SERPINA9: variants seen among roughly 807,000 people sequenced by gnomAD.
SERPINA9 encodes the protein serpin A9.
In SERPINA9, 32 loss-of-function variants were observed where a neutral mutation model predicts 24.5. That is an observed-to-expected ratio of 1.30 (90% CI 0.98 to 1.75). The LOEUF (loss-of-function observed/expected upper bound fraction) is 1.75. Ranked by LOEUF, SERPINA9 falls within the 40% of genes most tolerant of loss-of-function variation. The pLI is 0.00. For missense variants in SERPINA9, 594 were observed against 497.1 expected (o/e 1.19, Z -1.85); for synonymous variants, 233 against 197.7 (o/e 1.18, Z -1.50).
In SERPINA9 at chr14:94,469,265, T is replaced by C. The variant is rs1299397946; in HGVS notation, c.576A>G (p.Gln192=). 1.2e-6 allele frequency: 2 copies of C among 1,613,962 alleles called. No individual in the cohort carries two copies. Among genetic ancestry groups the C allele is most frequent in the African/African-American group, 2.7e-5 (2 of 74,814 alleles). The change falls in exon 2 of 5, where the codon CAA becomes CAG. Residue 192 remains glutamine, a synonymous_variant. Coordinates refer to ENST00000674397, the MANE Select transcript of SERPINA9 (RefSeq NM_175739.4). ...CCATGGCCGTCAGAAGGTCAAGGCC[T>C]TGGATTATGTCTACAACCTTCCCTT... The part of the protein sequence containing the change: ...KTQGKVVDII[Q]GLDLLTAMVL...
intron 1 of SERPINA9, chr14:94,475,791 C>T (rs1899599758): frequency 1.3e-5 from 5 of 385,692 alleles, no homozygotes; most frequent in African/African-American, 4.1e-5. Flanking sequence ...GACAAAGAAA[C>T]CAACAACGAC....
chr14:94,469,506 T>C lies in SERPINA9; in HGVS notation c.335A>G (p.Gln112Arg), dbSNP rs370684428. 3.1e-6 allele frequency: 5 copies of C among 1,614,168 alleles called. No homozygotes were observed. Among genetic ancestry groups the C allele is most frequent in the South Asian group, 1.1e-5 (1 of 91,074 alleles). ...LTHTPESAIHQGFQHLVHSLT... is the reference protein window; with the variant it reads ...LTHTPESAIHRGFQHLVHSLT... Reference sequence around the variant, plus strand: ...TGAGTGAACCAGGTGCTGGAAGCCCTGGTGGATGGCAGACTCTGGTGTGTG... The same window carrying C: ...TGAGTGAACCAGGTGCTGGAAGCCCCGGTGGATGGCAGACTCTGGTGTGTG... Residue 112 changes from glutamine to arginine, a missense_variant, in exon 2 of 5, where the codon CAG becomes CGG. Transcript: ENST00000674397.
chr14:94,463,258 G>A lies in SERPINA9; in HGVS notation c.1089C>T (p.Gly363=). 1 of 1,614,202 alleles carries A rather than the reference G, an allele frequency of 6.2e-7. No individual in the cohort carries two copies. Among genetic ancestry groups the A allele is most frequent in the Non-Finnish European group, 8.5e-7 (1 of 1,180,038 alleles). The change falls in exon 5 of 5, where the codon GGC becomes GGT. Residue 363 remains glycine (G), a synonymous_variant. Transcript: ENST00000674397. ...TGGTGGTAGCTGCTGTGGCCTCAGT[G>A]CCCTCTTCACTGACATCCAGCACAG... The part of the protein sequence containing the change: ...HKAVLDVSEE[G]TEATAATTTK...
Position 94,469,308 on chromosome 14 carries a change from T to C in SERPINA9, c.533A>G (p.His178Arg), listed in dbSNP as rs572845318. 6.1e-5 allele frequency: 98 copies of C among 1,614,256 alleles called. 1 individual carries two copies. The South Asian group carries it at 1.0e-3, about 17-fold the overall frequency. ...CTTCCCTTGGGTCTTCTTTTTCACA[T>C]GGCTGTTGATCCTCGCCTGGGCAAT... ...PSIAQARINSHVKKKTQGKVV... is the reference protein window; with the variant it reads ...PSIAQARINSRVKKKTQGKVV... Residue 178 changes from histidine to arginine, a missense_variant, in exon 2 of 5, where the codon CAT becomes CGT. Coordinates refer to ENST00000674397, the MANE Select transcript of SERPINA9 (RefSeq NM_175739.4).
chr14:94,469,568 C>A lies in SERPINA9; in HGVS notation c.273G>T (p.Lys91Asn). 1 of 1,614,100 alleles carries A rather than the reference C, an allele frequency of 6.2e-7. No individual in the cohort carries two copies. ...MLSLGAHSVT[K>N]TQILQGLGFN... Reference sequence around the variant, plus strand: ...AGCCCAGGCCCTGGAGAATCTGGGTCTTGGTGACTGAGTGGGCCCCAAGGG... The same window carrying A: ...AGCCCAGGCCCTGGAGAATCTGGGTATTGGTGACTGAGTGGGCCCCAAGGG... The change falls in exon 2 of 5, where the codon AAG becomes AAT. Residue 91 changes from lysine (K) to asparagine (N), a missense_variant. Transcript: ENST00000674397.
intron 2 of SERPINA9, among the ~76,000 whole-genome samples, chr14:94,468,396 G>A (rs1425386328): frequency 6.6e-6 from 1 of 151,926 alleles, no homozygotes; most frequent in Middle Eastern, 3.2e-3. Context: ...AGGAAGGGAA[G>A]GAGAGGGACA....
Position 94,469,293 on chromosome 14 carries a change from G to T in SERPINA9, c.548C>A (p.Thr183Asn), listed in dbSNP as rs371514591. The change falls in exon 2 of 5, where the codon ACC becomes AAC. Residue 183 changes from threonine to asparagine, a missense_variant. Coordinates refer to ENST00000674397, the MANE Select transcript of SERPINA9 (RefSeq NM_175739.4). ...ARINSHVKKK[T>N]QGKVVDIIQG... ...GATTATGTCTACAACCTTCCCTTGG[G>T]TCTTCTTTTTCACATGGCTGTTGAT... The T allele has an allele frequency of 6.2e-7, 1 of 1,614,062 alleles. No individual in the cohort carries two copies. The highest frequency in any genetic ancestry group is 8.5e-7 in the Non-Finnish European group (1 of 1,180,030).
chr14:94,470,062 G>T, intron 1 of SERPINA9: 1 of 660,204 alleles, frequency 1.5e-6, no homozygotes, highest in Non-Finnish European at 2.2e-6. Context: ...TGAGTAAACA[G>T]GCCACAGAGA....
chr14:94,472,819 G>A (rs1207689070), intron 1 of SERPINA9, among the ~76,000 whole-genome samples: 1 of 152,232 alleles, frequency 6.6e-6, no homozygotes, highest in Admixed American at 6.5e-5. Flanking sequence ...GAAAAGCAGA[G>A]AAGAGAGAGA....
intron 3 of SERPINA9, among the ~76,000 whole-genome samples, chr14:94,466,289 TA>T (rs2139801534): frequency 6.6e-6 from 1 of 152,320 alleles, no homozygotes; most frequent in African/African-American, 2.4e-5. Context: ...CATGTGCAGC[TA>T]AACCCCACCG....
chr14:94,469,536 A>C lies in SERPINA9; in HGVS notation c.305T>G (p.Leu102Arg). 6.2e-7 allele frequency: 1 copy of C among 1,614,058 alleles called. No individual in the cohort carries two copies. Reference sequence around the variant, plus strand: ...GATGGCAGACTCTGGTGTGTGTGTGAGGTTGAAGCCCAGGCCCTGGAGAAT... The same window carrying C: ...GATGGCAGACTCTGGTGTGTGTGTGCGGTTGAAGCCCAGGCCCTGGAGAAT... ...TQILQGLGFN[L>R]THTPESAIHQ... Residue 102 changes from leucine (L) to arginine (R), a missense_variant, in exon 2 of 5, where the codon CTC becomes CGC. Transcript: ENST00000674397.
chr14:94,464,807 T>A lies in SERPINA9; in HGVS notation c.950A>T (p.Asn317Ile). The A allele has an allele frequency of 1.2e-6, 2 of 1,613,648 alleles. No individual in the cohort carries two copies. Among genetic ancestry groups the A allele is most frequent in the Non-Finnish European group, 1.7e-6 (2 of 1,179,618 alleles). The change falls in exon 4 of 5, where the codon AAT becomes ATT. Residue 317 changes from asparagine (N) to isoleucine (I), a missense_variant. Asn to Ile is a moderately radical substitution (Grantham distance 149). Coordinates refer to ENST00000674397, the MANE Select transcript of SERPINA9 (RefSeq NM_175739.4). Reference sequence around the variant, plus strand: ...CATCTTCGGGAGGATGGTTTCCAGATTGTAGGAGGCAGAAATGGAAAATCT... The same window carrying A: ...CATCTTCGGGAGGATGGTTTCCAGAATGTAGGAGGCAGAAATGGAAAATCT... ...IPRFSISASY[N>I]LETILPKMGI...
At chr14:94,476,032 C>T (rs1015509675) in intron 1 of SERPINA9, 104 bp downstream of exon 1, 2 of 1,553,338 alleles carry the variant, frequency 1.3e-6, no homozygotes, top group African/African-American at 1.4e-5. Flanking sequence ...TCTTATTTGA[C>T]TTCCCAGCTG....
chr14:94,465,195 C>A (rs142067597), intron 3 of SERPINA9, among the ~76,000 whole-genome samples: 2 of 152,148 alleles, frequency 1.3e-5, no homozygotes, highest in African/African-American at 4.8e-5. Context: ...TCCGGAATAC[C>A]TCCTCAGCAG....
intron 1 of SERPINA9, among the ~76,000 whole-genome samples, chr14:94,474,698 G>T (rs909619226): frequency 1.3e-5 from 2 of 152,032 alleles, no homozygotes; most frequent in African/African-American, 4.8e-5. Flanking sequence ...TTATGTGAGC[G>T]TTCGGCCAGG....
chr14:94,470,120 G>C, intron 1 of SERPINA9: 1 of 1,025,410 alleles, frequency 9.8e-7, no homozygotes, highest in Non-Finnish European at 1.2e-6. Flanking sequence ...TCTGTGTTCT[G>C]TGTGGGCTTC....
chr14:94,463,506 AAC>A (rs1223537456), intron 4 of SERPINA9, among the ~76,000 whole-genome samples: 1 of 152,226 alleles, frequency 6.6e-6, no homozygotes, highest in African/African-American at 2.4e-5. Context: ...GATGGTTACA[AAC>A]ACAGAGCAGG....
At chr14:94,470,127 C>T (rs1595669617) in intron 1 of SERPINA9, 1 of 1,075,926 alleles carries the variant, frequency 9.3e-7, no homozygotes, top group Non-Finnish European at 1.2e-6. Flanking sequence ...TCTGTGTGGG[C>T]TTCAAAGTCA....
chr14:94,469,157 A>C (rs1899163711), intron 2 of SERPINA9, 56 bp downstream of exon 2: 2 of 1,515,496 alleles, frequency 1.3e-6, no homozygotes, highest in East Asian at 4.5e-5. Context: ...ACTAAGCAAA[A>C]ATCATCATCA....
Sources: gnomAD v4.1 joint callset for allele counts (sites outside exome capture counted in the v4.1 genomes callset) on GRCh38, gnomAD v4.1.1 for gene constraint, MANE v1.5 for transcripts, NCBI Gene and HGNC (gene_info 2026-07-23, HGNC 2026-07-21) for gene names.